The following C3orf20 variants were observed in gnomAD, a reference collection of about 807,000 sequenced individuals.
The protein encoded by C3orf20 is family with sequence similarity 149 member C, also known as uncharacterized protein C3orf20.
A neutral mutation model predicts 88.3 loss-of-function variants in C3orf20; 76 were observed. That is an observed-to-expected ratio of 0.86 (90% CI 0.72 to 1.04). C3orf20 has a LOEUF of 1.04. C3orf20 is among the 50% of genes least tolerant of loss of function. The pLI is 0.00. For synonymous variants in C3orf20, 436 were observed against 437.4 expected, an observed-to-expected ratio of 1.00 and a Z score of 0.04; for missense variants, 1,056 against 1,123.3, an observed-to-expected ratio of 0.94 and a Z score of 0.86.
chr3:14,755,651 T>C (rs1291074302), intron 12 of C3orf20, among the ~76,000 whole-genome samples: 4 of 152,236 alleles, frequency 2.6e-5, no homozygotes, highest in African/African-American at 9.6e-5. Context: ...TTTCTAATCC[T>C]AGCCCTTGCC....
At chr3:14,741,646 A>G (rs549389943) in intron 12 of C3orf20, among the ~76,000 whole-genome samples, 36 of 152,334 alleles carry the variant, frequency 2.4e-4, no homozygotes, top group Non-Finnish European at 4.6e-4. Flanking sequence ...TTGCCCAGAA[A>G]AGAATTAAAG....
At chr3:14,752,317 A>G (rs564713142) in intron 12 of C3orf20, among the ~76,000 whole-genome samples, 87 of 152,204 alleles carry the variant, frequency 5.7e-4, no homozygotes, top group Non-Finnish European at 3.1e-4. Context: ...CTTACACCTT[A>G]TACAAAAATT....
At chr3:14,755,700 G>A (rs180857641) in intron 12 of C3orf20, among the ~76,000 whole-genome samples, 2 of 152,274 alleles carry the variant, frequency 1.3e-5, no homozygotes, top group East Asian at 1.9e-4. Flanking sequence ...CATTCACCTC[G>A]TGGGAACCTT....
At chr3:14,728,721 C>T (rs780269197) in intron 12 of C3orf20, 33 bp downstream of exon 12, 9 of 1,604,526 alleles carry the variant, frequency 5.6e-6, no homozygotes, top group South Asian at 2.2e-5. Context: ...TCCGCAGCAT[C>T]GGGTGTTGTG....
chr3:14,730,466 G>C (rs1222905511), intron 12 of C3orf20, among the ~76,000 whole-genome samples: 1 of 152,078 alleles, frequency 6.6e-6, no homozygotes, highest in Non-Finnish European at 1.5e-5. Flanking sequence ...AGAATGGCGT[G>C]AACCCAGGAG....
At chr3:14,708,632 T>TTTGTTG (rs559283768) in intron 7 of C3orf20, among the ~76,000 whole-genome samples, 2 of 151,604 alleles carry the variant, frequency 1.3e-5, no homozygotes, top group Admixed American at 6.6e-5. Flanking sequence ...CCATTAACAG[T>TTTGTTG]TTGTTGTTGT....
rs199982024 is a variant in C3orf20 at position 14,714,165 on chromosome 3, T to A, written c.1313+6T>A. 1.9e-6 allele frequency: 3 copies of A among 1,613,288 alleles called. No homozygotes were observed. The highest frequency in any genetic ancestry group is 1.7e-5 in the Admixed American group (1 of 59,988). On this transcript the variant is annotated splice_donor_region_variant and intron_variant, in intron 8 of 16. Transcript: ENST00000253697. ...CACTACAACCTAAAAACCAGGTAAG[T>A]GGACTGGGAGAGTACTAGTCACACG...
chr3:14,708,447 A>C (rs2033608470), intron 7 of C3orf20, among the ~76,000 whole-genome samples: 4 of 151,860 alleles, frequency 2.6e-5, no homozygotes, highest in Admixed American at 2.6e-4. Context: ...CAAGTTTTGA[A>C]ATAAGGTAGT....
chr3:14,766,652 C>G (rs2035713964), intron 15 of C3orf20, among the ~76,000 whole-genome samples: 1 of 152,232 alleles, frequency 6.6e-6, no homozygotes, highest in Non-Finnish European at 1.5e-5. Flanking sequence ...CGGCTGCACT[C>G]ATACAGCAGT....
chr3:14,697,245 ATTTCTTTGAATAAAC>A (rs2033046584), intron 5 of C3orf20, among the ~76,000 whole-genome samples: 1 of 151,996 alleles, frequency 6.6e-6, no homozygotes, highest in South Asian at 2.1e-4. Flanking sequence ...CTCTGTTATT[ATTTCTTTGAATAAAC>A]TTTCTACCCC....
chr3:14,771,109 C>T (rs560128890), intron 15 of C3orf20, among the ~76,000 whole-genome samples: 1 of 152,204 alleles, frequency 6.6e-6, no homozygotes, highest in Non-Finnish European at 1.5e-5. Flanking sequence ...TGGGATGGAA[C>T]CCTCATGAAT....
chr3:14,757,781 G>A, intron 13 of C3orf20, 107 bp downstream of exon 13: 2 of 1,045,872 alleles, frequency 1.9e-6, no homozygotes, highest in South Asian at 1.6e-5. Context: ...CTGCCTGAGG[G>A]GCCACCCTCC....
At chr3:14,680,375 A>G (rs1325814311) in intron 1 of C3orf20, among the ~76,000 whole-genome samples, 1 of 152,242 alleles carries the variant, frequency 6.6e-6, no homozygotes, top group African/African-American at 2.4e-5. Context: ...TTTAAAAAAC[A>G]TTACAGCAAG....
At chr3:14,682,463 G>T in intron 2 of C3orf20, 115 bp from the exon 3 acceptor site, 2 of 511,174 alleles carry the variant, frequency 3.9e-6, no homozygotes, top group South Asian at 2.8e-5. Context: ...TTCCCAAAGT[G>T]ACTCACTAAC....
chr3:14,704,312 AAT>A, intron 6 of C3orf20, 23 bp from the exon 7 acceptor site: 1 of 1,611,828 alleles, frequency 6.2e-7, no homozygotes, highest in South Asian at 1.1e-5. Context: ...AAGGCTAGAC[AAT>A]ATATTGCTCT....
At chr3:14,766,628 G>A (rs1048003630) in intron 15 of C3orf20, among the ~76,000 whole-genome samples, 1 of 152,242 alleles carries the variant, frequency 6.6e-6, no homozygotes, top group Non-Finnish European at 1.5e-5. Flanking sequence ...GTGCCAGTGA[G>A]CAGAGGTGCT....
intron 12 of C3orf20, among the ~76,000 whole-genome samples, chr3:14,746,190 T>C (rs888789640): frequency 6.6e-6 from 1 of 152,238 alleles, no homozygotes; most frequent in African/African-American, 2.4e-5. Context: ...GTCTTTGATA[T>C]GTCCAATAAC....
At position 14,682,784 on chromosome 3, in the gene C3orf20, G is replaced by A. The variant is rs202010042; in HGVS notation, c.71G>A (p.Arg24His). Residue 24 changes from arginine to histidine, a missense_variant, in exon 3 of 17, where the codon CGC (arginine) becomes CAC (histidine). By Grantham distance (29) the Arg-to-His change is conservative (BLOSUM62 0). Transcript: ENST00000253697. ...GCCATGGCCCCCAAGCTACTGGCCC[G>A]CATCTCCAAACTCCTCATGATCTGC... The part of the protein sequence containing the change: ...YTAMAPKLLA[R>H]ISKLLMICQN... 130 of 1,614,038 alleles carry A rather than the reference G, an allele frequency of 8.1e-5. No individual in the cohort carries two copies. The East Asian group carries it at 9.8e-4, about 12-fold the overall frequency.
chr3:14,744,250 A>T (rs2034995978), intron 12 of C3orf20, among the ~76,000 whole-genome samples: 1 of 151,964 alleles, frequency 6.6e-6, no homozygotes, highest in Admixed American at 6.5e-5. Flanking sequence ...AGTTCCACAA[A>T]TCTCTAGGGC....
Sources: gnomAD v4.1 joint callset for allele counts (sites outside exome capture counted in the v4.1 genomes callset) on GRCh38, gnomAD v4.1.1 for gene constraint, MANE v1.5 for transcripts, NCBI Gene and HGNC (gene_info 2026-07-23, HGNC 2026-07-21) for gene names.